The following UBE2E2 variants were observed in gnomAD, a reference collection of about 807,000 sequenced individuals.
UBE2E2 encodes the protein ubiquitin conjugating enzyme E2 E2, also known as ubiquitin-conjugating enzyme E2 E2.
UBE2E2 carries 6 observed loss-of-function variants against 24.7 expected under a neutral mutation model. That is an observed-to-expected ratio of 0.24 (90% CI 0.13 to 0.48). The LOEUF is 0.48. Ranked by LOEUF, UBE2E2 falls within the 20% of genes least tolerant of loss-of-function variation. The pLI is 0.99. For missense variants in UBE2E2, 169 were observed against 245.0 expected (o/e 0.69, Z 2.07); for synonymous variants, 104 against 83.6 (o/e 1.24, Z -1.33).
At chr3:23,217,937 A>G (rs1325854235) in intron 3 of UBE2E2, among the ~76,000 whole-genome samples, 12 of 152,156 alleles carry the variant, frequency 7.9e-5, no homozygotes, top group Non-Finnish European at 1.6e-4. Context: ...GGAGAAAAAT[A>G]ACCTCTTACC....
intron 3 of UBE2E2, among the ~76,000 whole-genome samples, chr3:23,252,239 C>A (rs1274502951): frequency 6.6e-6 from 1 of 152,064 alleles, no homozygotes; most frequent in Non-Finnish European, 1.5e-5. Context: ...GTGTCATCAC[C>A]ATAAAAGTTG....
chr3:23,532,022 A>T (rs1330323284), intron 4 of UBE2E2, among the ~76,000 whole-genome samples: 1 of 151,426 alleles, frequency 6.6e-6, no homozygotes, highest in African/African-American at 2.4e-5. Context: ...AGATCACGCC[A>T]CTGCACTCCA....
intron 3 of UBE2E2, among the ~76,000 whole-genome samples, chr3:23,315,444 A>G (rs1694547344): frequency 1.3e-5 from 2 of 152,176 alleles, no homozygotes; most frequent in South Asian, 2.1e-4. Flanking sequence ...GCATTTTTCA[A>G]CTACAGGATT....
At chr3:23,380,735 T>A (rs529463073) in intron 3 of UBE2E2, among the ~76,000 whole-genome samples, 70 of 152,354 alleles carry the variant, frequency 4.6e-4, no homozygotes, top group African/African-American at 1.6e-3. Context: ...GGAGGGGTTC[T>A]AAGTCCATAT....
intron 3 of UBE2E2, among the ~76,000 whole-genome samples, chr3:23,492,575 A>C (rs941689065): frequency 1.3e-5 from 2 of 152,202 alleles, no homozygotes; most frequent in Non-Finnish European, 2.9e-5. Context: ...ATCCATTACC[A>C]TTAAAAGTTT....
intron 3 of UBE2E2, among the ~76,000 whole-genome samples, chr3:23,301,300 C>T (rs914657893): frequency 2.0e-5 from 3 of 152,228 alleles, no homozygotes; most frequent in Non-Finnish European, 4.4e-5. Flanking sequence ...AGTCATTCTC[C>T]GTCCAGCTTT....
At chr3:23,301,685 C>T (rs1043475297) in intron 3 of UBE2E2, among the ~76,000 whole-genome samples, 2 of 152,152 alleles carry the variant, frequency 1.3e-5, no homozygotes, top group Non-Finnish European at 2.9e-5. Context: ...GGTGTCAGTC[C>T]ACCCCCTACT....
intron 3 of UBE2E2, among the ~76,000 whole-genome samples, chr3:23,219,431 T>A (rs1159176045): frequency 2.0e-5 from 3 of 152,198 alleles, no homozygotes; most frequent in Non-Finnish European, 4.4e-5. Flanking sequence ...TCTGCCCATC[T>A]GTATTTCGGT....
intron 3 of UBE2E2, among the ~76,000 whole-genome samples, chr3:23,384,946 T>C (rs1696770978): frequency 6.6e-6 from 1 of 152,160 alleles, no homozygotes; most frequent in Non-Finnish European, 1.5e-5. Flanking sequence ...TTTTTTTTCT[T>C]TTTGAGATAG....
intron 4 of UBE2E2, among the ~76,000 whole-genome samples, chr3:23,530,689 C>G (rs1559412984): frequency 6.6e-6 from 1 of 152,176 alleles, no homozygotes; most frequent in East Asian, 1.9e-4. Context: ...CATATCTTTT[C>G]AAGTCCATGC....
chr3:23,590,637 A>G lies in UBE2E2; in HGVS notation c.*806A>G, dbSNP rs913062253. 1 of 152,626 alleles carries G rather than the reference A, an allele frequency of 6.6e-6. No homozygotes were observed. The highest frequency in any genetic ancestry group is 2.4e-5 in the African/African-American group (1 of 41,448). 9.5% of individuals were successfully genotyped at this position (152,626 alleles called of 1,614,324 possible). A position where few individuals can be genotyped will look rare whatever the true frequency, so the allele number is the denominator to read the frequency against. On this transcript the variant is annotated 3_prime_UTR_variant, in exon 6 of 6. Coordinates refer to ENST00000396703, the MANE Select transcript of UBE2E2 (RefSeq NM_152653.4). ...TGGTGACCGCTGTAGCCCTACGTGC[A>G]GTGAGGCTTGTCTAATTCAATTACA... is the stretch of plus-strand genomic sequence containing the variant.
chr3:23,355,862 A>G (rs1226061922), intron 3 of UBE2E2, among the ~76,000 whole-genome samples: 2 of 152,250 alleles, frequency 1.3e-5, no homozygotes, highest in African/African-American at 4.8e-5. Context: ...TGCAGTTCGT[A>G]CATACCTCTC....
chr3:23,491,836 C>G (rs1400586810), intron 3 of UBE2E2, among the ~76,000 whole-genome samples: 1 of 152,282 alleles, frequency 6.6e-6, no homozygotes, highest in South Asian at 2.1e-4. Flanking sequence ...GCAGGGAAAC[C>G]ATGCAAGATG....
intron 2 of UBE2E2, 51 bp from the exon 3 acceptor site, chr3:23,217,208 ATTG>A (rs1227967943): frequency 6.8e-6 from 10 of 1,467,294 alleles, no homozygotes; most frequent in Non-Finnish European, 8.6e-6. Flanking sequence ...AATGAAATAA[ATTG>A]TTAAGAGTGA....
At chr3:23,331,523 G>A (rs764010340) in intron 3 of UBE2E2, among the ~76,000 whole-genome samples, 2 of 152,014 alleles carry the variant, frequency 1.3e-5, no homozygotes, top group East Asian at 1.9e-4. Context: ...GGGTAAGGTG[G>A]TGATTTCAGA....
intron 5 of UBE2E2, among the ~76,000 whole-genome samples, chr3:23,533,260 G>T (rs1023269134): frequency 6.6e-6 from 1 of 152,188 alleles, no homozygotes; most frequent in South Asian, 2.1e-4. Flanking sequence ...TTTATGGCTT[G>T]CTGGTGTGCT....
chr3:23,285,328 G>A (rs1698592333), intron 3 of UBE2E2, among the ~76,000 whole-genome samples: 1 of 152,160 alleles, frequency 6.6e-6, no homozygotes. Flanking sequence ...GAATAGTGCT[G>A]CAATAAACGT....
At chr3:23,582,863 G>GTC in intron 5 of UBE2E2, among the ~76,000 whole-genome samples, 1 of 127,188 alleles carries the variant, frequency 7.9e-6, no homozygotes, top group Admixed American at 7.5e-5. Flanking sequence ...TCTGTTGAGT[G>GTC]TGTGTGTGTG....
At chr3:23,267,990 T>A (rs1380952179) in intron 3 of UBE2E2, among the ~76,000 whole-genome samples, 22 of 151,910 alleles carry the variant, frequency 1.4e-4, no homozygotes, top group Admixed American at 1.4e-3. Flanking sequence ...AAAAGGCCTT[T>A]GACAAAATTC....
Sources: allele counts gnomAD v4.1 joint callset (sites outside exome capture counted in the v4.1 genomes callset), GRCh38; gene constraint gnomAD v4.1.1; transcripts MANE v1.5; gene names NCBI Gene and HGNC (gene_info 2026-07-23, HGNC 2026-07-21).